The following RNF180 variants were observed in gnomAD, a reference collection of about 807,000 sequenced individuals.
RNF180 encodes E3 ubiquitin-protein ligase RNF180.
In RNF180, 38 loss-of-function variants were observed where a neutral mutation model predicts 59.2. The observed-to-expected ratio is 0.64, with a 90% CI of 0.50 to 0.84. The LOEUF is 0.84. Ranked by LOEUF, RNF180 falls within the 40% of genes least tolerant of loss-of-function variation. RNF180 has a pLI of 0.00. For missense variants in RNF180, 705 were observed against 700.9 expected (o/e 1.01, Z -0.07); for synonymous variants, 262 against 240.3 (o/e 1.09, Z -0.84).
At chr5:64,209,843 G>A (rs1242108056) in intron 2 of RNF180, among the ~76,000 whole-genome samples, 1 of 152,098 alleles carries the variant, frequency 6.6e-6, no homozygotes, top group East Asian at 1.9e-4. Context: ...GTGTGTGTGA[G>A]TATGGATGTT....
chr5:64,308,868 G>T (rs1279894565), intron 5 of RNF180, among the ~76,000 whole-genome samples: 1 of 151,596 alleles, frequency 6.6e-6, no homozygotes, highest in East Asian at 1.9e-4. Context: ...AAGTTCTTCA[G>T]CTGACTCCCC....
chr5:64,235,799 C>T (rs1580076358), intron 5 of RNF180, among the ~76,000 whole-genome samples: 1 of 152,112 alleles, frequency 6.6e-6, no homozygotes, highest in Admixed American at 6.5e-5. Flanking sequence ...TTTAATGTGT[C>T]TGGAGCTTCT....
At chr5:64,336,215 T>G (rs1745118973) in intron 7 of RNF180, among the ~76,000 whole-genome samples, 1 of 152,196 alleles carries the variant, frequency 6.6e-6, no homozygotes, top group Non-Finnish European at 1.5e-5. Context: ...TCTTATAGAA[T>G]GTATATTGTT....
chr5:64,209,372 C>A (rs947072175), intron 2 of RNF180, among the ~76,000 whole-genome samples: 1 of 151,782 alleles, frequency 6.6e-6, no homozygotes, highest in Non-Finnish European at 1.5e-5. Context: ...AAAAAATGAT[C>A]AATTTATATG....
chr5:64,253,124 C>T (rs1236273887), intron 5 of RNF180, among the ~76,000 whole-genome samples: 1 of 152,130 alleles, frequency 6.6e-6, no homozygotes, highest in East Asian at 1.9e-4. Flanking sequence ...CAGAGAAAAT[C>T]AGAGCTAAAT....
intron 5 of RNF180, among the ~76,000 whole-genome samples, chr5:64,288,044 T>A (rs1235264084): frequency 1.3e-5 from 2 of 152,228 alleles, no homozygotes; most frequent in African/African-American, 2.4e-5. Context: ...AGTTATACAT[T>A]TAAATATTTA....
chr5:64,310,703 C>A (rs1482619200), intron 5 of RNF180, among the ~76,000 whole-genome samples: 1 of 151,876 alleles, frequency 6.6e-6, no homozygotes, highest in African/African-American at 2.4e-5. Context: ...ATCCAGGTTC[C>A]CTCCATCTTC....
chr5:64,344,115 A>G (rs940373649), intron 7 of RNF180, among the ~76,000 whole-genome samples: 1 of 152,072 alleles, frequency 6.6e-6, no homozygotes, highest in African/African-American at 2.4e-5. Flanking sequence ...CATCTAGAAA[A>G]TAAAAAATGT....
intron 5 of RNF180, among the ~76,000 whole-genome samples, chr5:64,287,689 T>C (rs1212643988): frequency 6.6e-6 from 1 of 152,244 alleles, no homozygotes; most frequent in Non-Finnish European, 1.5e-5. Context: ...TTGAGCTTTT[T>C]TTCATATGTT....
rs182638500 is a variant in RNF180, at chr5:64,237,851, C to A, written c.1227+20455C>A. 3.8e-3 allele frequency among the ~76,000 whole-genome samples: 573 copies of A among 152,198 alleles called. 3 individuals are homozygous for A. The highest frequency in any genetic ancestry group is 0.013 in the African/African-American group (540 of 41,508). On this transcript the variant is annotated intron_variant, in intron 5 of 7. Coordinates refer to ENST00000389100, the MANE Select transcript of RNF180 (RefSeq NM_001113561.2). Reference sequence around the variant, plus strand: ...TCTCTCTCTCTCTTTCTCTTCCCCACCAACCCCGCTTTCACTCTCCTGCTG... The same window carrying A: ...TCTCTCTCTCTCTTTCTCTTCCCCAACAACCCCGCTTTCACTCTCCTGCTG...
chr5:64,272,517 T>C (rs1741471731), intron 5 of RNF180, among the ~76,000 whole-genome samples: 1 of 152,044 alleles, frequency 6.6e-6, no homozygotes, highest in Admixed American at 6.6e-5. Flanking sequence ...GATGTTGGTC[T>C]TTAGCCTAAG....
intron 5 of RNF180, among the ~76,000 whole-genome samples, chr5:64,252,932 GCACA>G (rs1221760886): frequency 1.3e-5 from 2 of 151,670 alleles, no homozygotes; most frequent in Non-Finnish European, 2.9e-5. Flanking sequence ...CCCCGCCCCA[GCACA>G]CACACACCTC....
intron 5 of RNF180, among the ~76,000 whole-genome samples, chr5:64,261,913 T>C (rs1744364853): frequency 6.6e-6 from 1 of 152,160 alleles, no homozygotes; most frequent in Admixed American, 6.6e-5. Flanking sequence ...TATACCTCGA[T>C]TGGATTCTGT....
In RNF180 at chr5:64,318,969, A is replaced by G. The variant is rs1037911423; in HGVS notation, c.1228-6217A>G. The stretch of plus-strand genomic sequence containing the variant: ...AAAACTCATAGAATTGTGCAAAAAA[A>G]GAGTAAGCCCTAATGTAAACTGTGG... On this transcript the variant is annotated intron_variant, in intron 5 of 7. Transcript: ENST00000389100. Among the ~76,000 whole-genome samples, 5 of 152,184 alleles carry G rather than the reference A, an allele frequency of 3.3e-5. No homozygotes were observed. The South Asian group carries it at 6.2e-4, about 19-fold the overall frequency.
At chr5:64,305,136 C>T (rs1160484249) in intron 5 of RNF180, among the ~76,000 whole-genome samples, 3 of 151,604 alleles carry the variant, frequency 2.0e-5, no homozygotes, top group South Asian at 4.1e-4. Flanking sequence ...CTTTTGTATG[C>T]ACTGGGAAAC....
At chr5:64,210,945 G>C (rs1752283196) in intron 2 of RNF180, among the ~76,000 whole-genome samples, 1 of 152,144 alleles carries the variant, frequency 6.6e-6, no homozygotes, top group Non-Finnish European at 1.5e-5. Flanking sequence ...TTCCTGAGGA[G>C]TTCTGGGCTG....
intron 5 of RNF180, among the ~76,000 whole-genome samples, chr5:64,300,204 A>G (rs920122792): frequency 2.0e-5 from 3 of 151,776 alleles, no homozygotes; most frequent in African/African-American, 7.3e-5. Flanking sequence ...AAAAAATTGT[A>G]TTGCTAAGAC....
intron 6 of RNF180, among the ~76,000 whole-genome samples, chr5:64,328,986 AAG>A (rs776230574): frequency 3.3e-5 from 5 of 152,162 alleles, no homozygotes; most frequent in Non-Finnish European, 7.3e-5. Flanking sequence ...TTCAGATATA[AAG>A]AGTTTCTACC....
At chr5:64,228,071 T>TC (rs1423420154) in intron 5 of RNF180, among the ~76,000 whole-genome samples, 3 of 152,190 alleles carry the variant, frequency 2.0e-5, no homozygotes, top group Non-Finnish European at 4.4e-5. Context: ...GTACCTGGAA[T>TC]CCTCTCCTTG....
Sources: allele counts gnomAD v4.1 joint callset (sites outside exome capture counted in the v4.1 genomes callset), GRCh38; gene constraint gnomAD v4.1.1; transcripts MANE v1.5; gene names NCBI Gene and HGNC (gene_info 2026-07-23, HGNC 2026-07-21).